The following NES variants were observed in gnomAD, a reference collection of about 807,000 sequenced individuals.
NES encodes the protein nestin.
In NES, 27 loss-of-function variants were observed where a neutral mutation model predicts 35.6. The ratio of observed to expected loss-of-function variants is 0.76; its 90% CI spans 0.56 to 1.04. NES has a LOEUF of 1.04. NES is among the 50% of genes least tolerant of loss of function. NES has a pLI of 0.00. For missense variants in NES, 1,867 were observed against 1,983.6 expected (o/e 0.94, Z 1.12); for synonymous variants, 822 against 824.2 (o/e 1.00, Z 0.04).
At position 156,670,968 on chromosome 1, in the gene NES, C is replaced by G. The variant is rs199958599; in HGVS notation, c.3220G>C (p.Gly1074Arg). Residue 1074 changes from glycine (G) to arginine (R), a missense_variant, in exon 4 of 4, where the codon GGG (glycine) becomes CGG (arginine). Coordinates refer to ENST00000368223, the MANE Select transcript of NES (RefSeq NM_006617.2). ...EPLVEDDVAP[G>R]GDQASPEVML... Reference sequence around the variant, plus strand: ...ACCTCTGGGGAGGCTTGGTCACCCCCTGGGGCCACATCATCTTCCACCAGG... The same window carrying G: ...ACCTCTGGGGAGGCTTGGTCACCCCGTGGGGCCACATCATCTTCCACCAGG... 171 of 1,611,832 alleles carry G rather than the reference C, an allele frequency of 1.1e-4. No individual in the cohort carries two copies. Among genetic ancestry groups the G allele is most frequent in the South Asian group, 5.6e-4 (51 of 90,930 alleles).
Position 156,676,518 on chromosome 1 carries a change from G to A in NES, c.747C>T (p.Arg249=). ...RAALEQRLEG[R]WQERLRATEK... is the part of the protein sequence containing the mutation. ...CAGTAGCCCGCAGCCGCTCCTGCCAGCGGCCCTCCAACCTCTGTTCCAACG... is the reference window on the plus strand; with the variant it reads ...CAGTAGCCCGCAGCCGCTCCTGCCAACGGCCCTCCAACCTCTGTTCCAACG... Residue 249 remains arginine (R), a synonymous_variant, in exon 1 of 4, where the codon CGC becomes CGT. Transcript: ENST00000368223. This position sits in a 1 kb window ranked among gnomAD's most constrained non-coding sequence, Gnocchi z 5.3. 6.3e-7 allele frequency: 1 copy of A among 1,597,252 alleles called. No individual in the cohort carries two copies. Among genetic ancestry groups the A allele is most frequent in the Non-Finnish European group, 8.5e-7 (1 of 1,179,160 alleles).
rs1462722452 is a variant in NES at position 156,676,189 on chromosome 1, A to G, written c.783+293T>C. Reference sequence around the variant, plus strand: ...TACCAGAGCCTGGGAAGGGACCCGGAGCCCCGGTCATCATCAGAGCCAGAA... The same window carrying G: ...TACCAGAGCCTGGGAAGGGACCCGGGGCCCCGGTCATCATCAGAGCCAGAA... On this transcript the variant is annotated intron_variant, in intron 1 of 3. Coordinates refer to ENST00000368223, the MANE Select transcript of NES (RefSeq NM_006617.2). The surrounding 1 kb of genome is among the most constrained non-coding windows in gnomAD (Gnocchi z 5.3). Among the ~76,000 whole-genome samples the G allele has an allele frequency of 2.6e-5, 4 of 152,228 alleles. No homozygotes were observed. Among genetic ancestry groups the G allele is most frequent in the Admixed American group, 2.6e-4 (4 of 15,288 alleles).
At position 156,670,333 on chromosome 1, in the gene NES, C is replaced by G. The variant is rs1464891638; in HGVS notation, c.3855G>C (p.Glu1285Asp). 3 of 1,611,538 alleles carry G rather than the reference C, an allele frequency of 1.9e-6. No homozygotes were observed. The highest frequency in any genetic ancestry group is 2.2e-5 in the East Asian group (1 of 44,870). ...PQEEGEESRE[E>D]SEEDELGETL... Reference sequence around the variant, plus strand: ...TCTCCCCGAGCTCATCCTCCTCGCTCTCTTCTCTGCTCTCCTCCCCTTCCT... The same window carrying G: ...TCTCCCCGAGCTCATCCTCCTCGCTGTCTTCTCTGCTCTCCTCCCCTTCCT... The change falls in exon 4 of 4, where the codon GAG becomes GAC. Residue 1285 changes from glutamate to aspartate, a missense_variant. By Grantham distance (45) the Glu-to-Asp change is conservative. Coordinates refer to ENST00000368223, the MANE Select transcript of NES (RefSeq NM_006617.2).
rs1679769333 is a variant in NES at position 156,673,053 on chromosome 1, G to A, written c.1135C>T (p.Gln379Ter). 2.5e-6 allele frequency: 4 copies of A among 1,609,730 alleles called. No homozygotes were observed. Among genetic ancestry groups the A allele is most frequent in the Non-Finnish European group, 3.4e-6 (4 of 1,176,918 alleles). Residue 379 changes from glutamine (Q) to a stop codon, truncating the protein, a stop_gained, in exon 4 of 4, where the codon CAG (glutamine) becomes TAG (stop). Transcript: ENST00000368223. LOFTEE classifies it low-confidence loss of function (END_TRUNC). ...PAFLKNQEFL[Q>*]ARTPTLASTP... ...CTGGCCAAGGTAGGGGTACGGGCCT[G>A]GAGGAATTCTTGGTTCTTAAGAAAG... is the stretch of plus-strand genomic sequence containing the variant.
At chr1:156,673,553 G>C in intron 2 of NES, 26 bp from the exon 3 acceptor site, 2 of 1,572,402 alleles carry the variant, frequency 1.3e-6, no homozygotes, top group Non-Finnish European at 1.7e-6. Context: ...GGAAAGTGGG[G>C]TCAGCCCTCT....
Position 156,673,017 on chromosome 1 carries a change from G to A in NES, c.1171C>T (p.Pro391Ser), listed in dbSNP as rs545076960. 8 of 1,611,676 alleles carry A rather than the reference G, an allele frequency of 5.0e-6. No homozygotes were observed. In the East Asian group the frequency reaches 1.6e-4, roughly 31 times the overall value. The change falls in exon 4 of 4, where the codon CCC (proline) becomes TCC (serine). Residue 391 changes from proline (P) to serine (S), a missense_variant. By Grantham distance (74) the Pro-to-Ser change is moderately conservative. Coordinates refer to ENST00000368223, the MANE Select transcript of NES (RefSeq NM_006617.2). The stretch of plus-strand genomic sequence containing the variant: ...GGAGAGGGTGCCTGAGGTGTGGGGG[G>A]GATGGGGGTGCTGGCCAAGGTAGGG... ...RTPTLASTPIPPTPQAPSPAV... is the reference protein window; with the variant it reads ...RTPTLASTPISPTPQAPSPAV...
In NES at chr1:156,673,013, G is replaced by A. The variant is rs757448561; in HGVS notation, c.1175C>T (p.Pro392Leu). Residue 392 changes from proline to leucine, a missense_variant, in exon 4 of 4, where the codon CCC becomes CTC. Transcript: ENST00000368223. ...AGCAGGAGAGGGTGCCTGAGGTGTG[G>A]GGGGGATGGGGGTGCTGGCCAAGGT... ...TPTLASTPIP[P>L]TPQAPSPAVD... The A allele has an allele frequency of 1.7e-5, 28 of 1,611,796 alleles. No homozygotes were observed. The Middle Eastern group carries it at 4.9e-4, about 28-fold the overall frequency.
chr1:156,677,208 C>T lies in NES; in HGVS notation c.57G>A (p.Leu19=). 1 of 1,612,758 alleles carries T rather than the reference C, an allele frequency of 6.2e-7. No individual in the cohort carries two copies. Among genetic ancestry groups the T allele is most frequent in the Non-Finnish European group, 8.5e-7 (1 of 1,179,948 alleles). ...CCTTGACCCGGGCCAGGTAGGCCTC[C>T]AGGCGCCGATTGAGCTCCCACATCT... The part of the protein sequence containing the change: ...SFQMWELNRR[L]EAYLARVKAL... Residue 19 remains leucine (L), a synonymous_variant, in exon 1 of 4, where the codon CTG becomes CTA. Transcript: ENST00000368223. The surrounding 1 kb of genome is among the most constrained non-coding windows in gnomAD (Gnocchi z 4.5).
rs1647238535 is a variant in NES at position 156,675,299 on chromosome 1, C to T, written c.825G>A (p.Gln275=). ...EALEQEKQGL[Q]SQIAQVLEGR... is the part of the protein sequence containing the mutation. The stretch of plus-strand genomic sequence containing the variant: ...CTTCCAGGACCTGAGCGATCTGGCT[C>T]TGTAGGCCCTGTTTCTCCTGCTCCA... Residue 275 remains glutamine, a synonymous_variant, in exon 2 of 4, where the codon CAG becomes CAA. Transcript: ENST00000368223. The T allele has an allele frequency of 5.0e-6, 8 of 1,613,192 alleles. No homozygotes were observed. The Middle Eastern group carries it at 5.0e-4, about 100-fold the overall frequency.
In NES at chr1:156,671,958, G is replaced by A; in HGVS notation, c.2230C>T (p.Leu744=). The A allele has an allele frequency of 1.2e-6, 2 of 1,614,160 alleles. No individual in the cohort carries two copies. Among genetic ancestry groups the A allele is most frequent in the Non-Finnish European group, 1.7e-6 (2 of 1,180,026 alleles). The part of the protein sequence containing the change: ...RPLETENHKS[L]RSLEEQDQET... ...TGGTCCTGTTCTTCTAAAGACCTCA[G>A]TGATTTGTGATTCTCTGTTTCTAGA... is the stretch of plus-strand genomic sequence containing the variant. Residue 744 remains leucine, a synonymous_variant, in exon 4 of 4, where the codon CTG becomes TTG. Transcript: ENST00000368223.
rs751966300 is a variant in NES at position 156,670,224 on chromosome 1, G to A, written c.3964C>T (p.Pro1322Ser). The A allele has an allele frequency of 6.2e-7, 1 of 1,613,908 alleles. No individual in the cohort carries two copies. Among genetic ancestry groups the A allele is most frequent in the Non-Finnish European group, 8.5e-7 (1 of 1,179,910 alleles). The change falls in exon 4 of 4, where the codon CCC becomes TCC. Residue 1322 changes from proline (P) to serine (S), a missense_variant. Transcript: ENST00000368223. ...RWDPTGEQRP[P>S]PQGETGKEGW... Reference sequence around the variant, plus strand: ...TCCTTTCCAGTCTCCCCTTGAGGGGGTGGCCTCTGCTCTCCAGTGGGGTCC... The same window carrying A: ...TCCTTTCCAGTCTCCCCTTGAGGGGATGGCCTCTGCTCTCCAGTGGGGTCC...
rs750605766 is a variant in NES at position 156,669,289 on chromosome 1, C to G, written c.*33G>C. The G allele has an allele frequency of 6.7e-7, 1 of 1,483,064 alleles. No homozygotes were observed. The highest frequency in any genetic ancestry group is 1.4e-5 in the South Asian group (1 of 74,038). The allele number at this position is 1,483,064 out of a possible 1,614,324, so 91.9% of individuals were successfully genotyped here. ...AGGCGTCCTTCCCCTCCCCGCACCC[C>G]TAAGTCCCCAGTGCCGGGCAGATGG... On this transcript the variant is annotated 3_prime_UTR_variant, in exon 4 of 4. Transcript: ENST00000368223.
intron 1 of NES, 69 bp from the exon 2 acceptor site, chr1:156,675,409 CCCGCTG>C: frequency 1.3e-6 from 2 of 1,508,580 alleles, no homozygotes; most frequent in Non-Finnish European, 8.9e-7. Context: ...CTGCCTCCTG[CCCGCTG>C]CCGCTGCCCG....
chr1:156,676,676 C>T lies in NES; in HGVS notation c.589G>A (p.Val197Met). 5 of 1,510,026 alleles carry T rather than the reference C, an allele frequency of 3.3e-6. No individual in the cohort carries two copies. Among genetic ancestry groups the T allele is most frequent in the African/African-American group, 2.9e-5 (2 of 68,796 alleles). The allele number at this position is 1,510,026 out of a possible 1,614,324, so 93.5% of individuals were successfully genotyped here. A position where few individuals can be genotyped will look rare whatever the true frequency, so the allele number is the denominator to read the frequency against. Residue 197 changes from valine to methionine, a missense_variant, in exon 1 of 4, where the codon GTG becomes ATG. By Grantham distance (21) the Val-to-Met change is conservative. Coordinates refer to ENST00000368223, the MANE Select transcript of NES (RefSeq NM_006617.2). This position sits in a 1 kb window ranked among gnomAD's most constrained non-coding sequence, Gnocchi z 5.3. The stretch of plus-strand genomic sequence containing the variant: ...CCCAGCGACGTCTCCATGTGTGCCA[C>T]GCGCTCCTGGTAGCCGCGCACTGCC... ...RGAVRGYQERVAHMETSLGQA... is the reference protein window; with the variant it reads ...RGAVRGYQERMAHMETSLGQA...
At chr1:156,673,383 C>A (rs1347585008) in intron 3 of NES, 71 bp downstream of exon 3, 1 of 1,466,086 alleles carries the variant, frequency 6.8e-7, no homozygotes, top group Admixed American at 1.9e-5. Flanking sequence ...TGGTGCCTCT[C>A]GGGAAAGATA....
At position 156,676,339 on chromosome 1, in the gene NES, T is replaced by C; in HGVS notation, c.783+143A>G. 2 of 769,022 alleles carry C rather than the reference T, an allele frequency of 2.6e-6. No individual in the cohort carries two copies. Among genetic ancestry groups the C allele is most frequent in the Non-Finnish European group, 4.1e-6 (2 of 484,600 alleles). The allele number at this position is 769,022 out of a possible 1,614,324, so 47.6% of individuals were successfully genotyped here. ...TAGACGGGCTGTAAAAGTCTAGGAC[T>C]TGTGGCACCAGGTTTCTGAGAACTG... is the stretch of plus-strand genomic sequence containing the variant. On this transcript the variant is annotated intron_variant, in intron 1 of 3. Coordinates refer to ENST00000368223, the MANE Select transcript of NES (RefSeq NM_006617.2). This position sits in a 1 kb window ranked among gnomAD's most constrained non-coding sequence, Gnocchi z 5.3.
Position 156,677,145 on chromosome 1 carries a change from G to A in NES, c.120C>T (p.Leu40=), listed in dbSNP as rs1427051547. The A allele has an allele frequency of 6.2e-6, 10 of 1,610,474 alleles. No homozygotes were observed. Among genetic ancestry groups the A allele is most frequent in the Admixed American group, 1.7e-5 (1 of 59,798 alleles). Residue 40 remains leucine, a synonymous_variant, in exon 1 of 4, where the codon CTC becomes CTT. Transcript: ENST00000368223. This position sits in a 1 kb window ranked among gnomAD's most constrained non-coding sequence, Gnocchi z 4.5. The part of the protein sequence containing the change: ...EEQNELLSAE[L]GGLRAQSADT... The stretch of plus-strand genomic sequence containing the variant: ...CCGCGGATTGTGCCCGGAGCCCCCC[G>A]AGCTCCGCGCTGAGCAGCTCATTCT...
chr1:156,669,125 T>G lies in NES; in HGVS notation c.*197A>C. ...TCCCTTTGCAGGGTGGGAGGTTATA[T>G]TCCTACAGCCTCCATTCTTGGAGTA... On this transcript the variant is annotated 3_prime_UTR_variant, in exon 4 of 4. Transcript: ENST00000368223. 2.1e-6 allele frequency: 1 copy of G among 466,364 alleles called. No individual in the cohort carries two copies. The highest frequency in any genetic ancestry group is 3.8e-6 in the Non-Finnish European group (1 of 265,820). The allele number at this position is 466,364 out of a possible 1,614,324, so 28.9% of individuals were successfully genotyped here. A position where few individuals can be genotyped will look rare whatever the true frequency, so the allele number is the denominator to read the frequency against.
chr1:156,673,893 C>T (rs1679788938), intron 2 of NES, among the ~76,000 whole-genome samples: 1 of 152,142 alleles, frequency 6.6e-6, no homozygotes, highest in Non-Finnish European at 1.5e-5. Context: ...GATTCTCATG[C>T]TAATTGCTGC....
Sources: allele counts gnomAD v4.1 joint callset (sites outside exome capture counted in the v4.1 genomes callset), GRCh38; gene constraint gnomAD v4.1.1; non-coding constraint Gnocchi (gnomAD v3.1); transcripts MANE v1.5; gene names NCBI Gene and HGNC (gene_info 2026-07-23, HGNC 2026-07-21).